The following CDH13 variants were observed in gnomAD, a reference collection of about 807,000 sequenced individuals.
The protein encoded by CDH13 is cadherin-13.
CDH13 carries 24 observed loss-of-function variants against 63.8 expected under a neutral mutation model. That is an observed-to-expected ratio of 0.38 (90% CI 0.27 to 0.53). CDH13 has a LOEUF of 0.53. Ranked by LOEUF, CDH13 falls within the 20% of genes least tolerant of loss-of-function variation. CDH13 has a pLI of 0.85. For missense variants in CDH13, 1,049 were observed against 903.1 expected, an observed-to-expected ratio of 1.16 and a Z score of -2.07; for synonymous variants, 503 against 355.3, an observed-to-expected ratio of 1.42 and a Z score of -4.67.
intron 3 of CDH13, among the ~76,000 whole-genome samples, chr16:83,115,402 A>G (rs2035245387): frequency 6.6e-6 from 1 of 152,266 alleles, no homozygotes; most frequent in African/African-American, 2.4e-5. Context: ...ATCCAGGACT[A>G]GGATCCCAGG....
intron 8 of CDH13, among the ~76,000 whole-genome samples, chr16:83,622,719 G>T (rs962297865): frequency 2.6e-5 from 4 of 152,304 alleles, no homozygotes; most frequent in African/African-American, 9.6e-5. Flanking sequence ...TTACATTTAT[G>T]ATAGTCGTTA....
At chr16:83,517,184 C>G (rs1221304927) in intron 7 of CDH13, among the ~76,000 whole-genome samples, 1 of 152,128 alleles carries the variant, frequency 6.6e-6, no homozygotes, top group Admixed American at 6.6e-5. Flanking sequence ...TCCAGAGCAG[C>G]AGGTCATACT....
At chr16:83,348,849 G>A (rs758378793) in intron 6 of CDH13, among the ~76,000 whole-genome samples, 2 of 152,212 alleles carry the variant, frequency 1.3e-5, no homozygotes, top group Non-Finnish European at 2.9e-5. Context: ...AATGTACAAT[G>A]AATGCCTTTG....
At chr16:83,591,282 G>A (rs1471886246) in intron 7 of CDH13, among the ~76,000 whole-genome samples, 1 of 152,180 alleles carries the variant, frequency 6.6e-6, no homozygotes, top group African/African-American at 2.4e-5. Flanking sequence ...GCATAATGTT[G>A]CTATGTCAGG....
At chr16:83,161,847 T>C (rs1031290539) in intron 4 of CDH13, among the ~76,000 whole-genome samples, 2 of 152,134 alleles carry the variant, frequency 1.3e-5, no homozygotes, top group African/African-American at 4.8e-5. Context: ...AGACGCTATG[T>C]CAAACAACCC....
In CDH13 at chr16:82,874,632, G is replaced by A. The variant is rs552896111; in HGVS notation, c.157+16159G>A. 1.1e-4 allele frequency among the ~76,000 whole-genome samples: 16 copies of A among 152,266 alleles called. 1 individual carries two copies. In the South Asian group the frequency reaches 3.3e-3, roughly 32 times the overall value. On this transcript the variant is annotated intron_variant, in intron 2 of 13. Transcript: ENST00000567109. Reference sequence around the variant, plus strand: ...ATATGTATACATTAAATTCCATAGAGGAAGGGGGGATTCCAAATGAGGAAA... The same window carrying A: ...ATATGTATACATTAAATTCCATAGAAGAAGGGGGGATTCCAAATGAGGAAA...
intron 2 of CDH13, among the ~76,000 whole-genome samples, chr16:82,963,881 G>T (rs182806900): frequency 8.0e-4 from 122 of 152,260 alleles, no homozygotes; most frequent in African/African-American, 2.9e-3. Context: ...AAGGGCACCG[G>T]AAAGCCAGGT....
At chr16:83,528,674 C>G (rs2075015874) in intron 7 of CDH13, among the ~76,000 whole-genome samples, 1 of 152,204 alleles carries the variant, frequency 6.6e-6, no homozygotes, top group South Asian at 2.1e-4. Context: ...CTCCATCTAT[C>G]TCTAAATTCT....
At chr16:83,048,433 G>A (rs576884026) in intron 3 of CDH13, among the ~76,000 whole-genome samples, 1 of 152,268 alleles carries the variant, frequency 6.6e-6, no homozygotes, top group East Asian at 1.9e-4. Flanking sequence ...CTCCCTCTCT[G>A]CAGGTTCCTG....
chr16:83,532,750 G>A (rs185801646), intron 7 of CDH13, among the ~76,000 whole-genome samples: 7 of 152,120 alleles, frequency 4.6e-5, no homozygotes, highest in Admixed American at 2.0e-4. Flanking sequence ...ACGCTGGTCC[G>A]GACTTGAGCG....
intron 1 of CDH13, among the ~76,000 whole-genome samples, chr16:82,713,040 C>A (rs748176231): frequency 3.7e-5 from 4 of 108,192 alleles, no homozygotes; most frequent in Non-Finnish European, 8.4e-5. Flanking sequence ...AATAGAACCC[C>A]GGCGTGTGTG....
At chr16:83,042,924 A>G (rs1421372063) in intron 3 of CDH13, among the ~76,000 whole-genome samples, 3 of 152,230 alleles carry the variant, frequency 2.0e-5, no homozygotes, top group Admixed American at 6.5e-5. Flanking sequence ...CCCTGATTTA[A>G]CAAGTGTGAT....
chr16:83,758,933 G>T (rs1423837), intron 11 of CDH13, among the ~76,000 whole-genome samples: 83,765 of 152,020 alleles, frequency 0.55, 24,619 homozygotes, highest in Admixed American at 0.67. Context: ...GGATTGGAAG[G>T]CTCAATGGTA....
intron 3 of CDH13, among the ~76,000 whole-genome samples, chr16:83,044,487 C>T (rs190741839): frequency 2.6e-5 from 4 of 151,958 alleles, no homozygotes; most frequent in African/African-American, 9.7e-5. Context: ...GTGAATAGAA[C>T]CTTTACAAAA....
intron 1 of CDH13, among the ~76,000 whole-genome samples, chr16:82,683,810 C>G (rs1307765250): frequency 6.6e-6 from 1 of 152,178 alleles, no homozygotes; most frequent in Non-Finnish European, 1.5e-5. Flanking sequence ...GATATTTTTT[C>G]TATTTTTGCT....
chr16:82,928,226 G>A (rs918894882), intron 2 of CDH13, among the ~76,000 whole-genome samples: 2 of 151,922 alleles, frequency 1.3e-5, no homozygotes, highest in Admixed American at 6.6e-5. Context: ...TTTGATGACT[G>A]CATATTATTT....
intron 10 of CDH13, among the ~76,000 whole-genome samples, chr16:83,726,718 G>C (rs572642587): frequency 6.6e-6 from 1 of 152,072 alleles, no homozygotes; most frequent in African/African-American, 2.4e-5. Flanking sequence ...GGCCCCTGTA[G>C]TCCCAGCTAC....
At chr16:83,786,875 A>C (rs1915920324) in intron 13 of CDH13, among the ~76,000 whole-genome samples, 1 of 152,214 alleles carries the variant, frequency 6.6e-6, no homozygotes, top group Non-Finnish European at 1.5e-5. Flanking sequence ...GGTGTGAGCC[A>C]CCACACCCAG....
At chr16:83,770,795 G>A (rs1900255385) in intron 11 of CDH13, among the ~76,000 whole-genome samples, 1 of 152,114 alleles carries the variant, frequency 6.6e-6, no homozygotes, top group African/African-American at 2.4e-5. Context: ...GATTTTGGTG[G>A]GTTTTGGCCA....
Sources: gnomAD v4.1 joint callset for allele counts (sites outside exome capture counted in the v4.1 genomes callset) on GRCh38, gnomAD v4.1.1 for gene constraint, MANE v1.5 for transcripts, NCBI Gene and HGNC (gene_info 2026-07-23, HGNC 2026-07-21) for gene names.